SEMA3G: variants seen among roughly 807,000 people sequenced by gnomAD.
SEMA3G encodes the protein semaphorin-3G.
In SEMA3G, 70 loss-of-function variants were observed where a neutral mutation model predicts 86.2. That is an observed-to-expected ratio of 0.81 (90% CI 0.67 to 0.99). SEMA3G has a LOEUF of 0.99. Ranked by LOEUF, SEMA3G falls within the 50% of genes least tolerant of loss-of-function variation. SEMA3G has a pLI of 0.00. For synonymous variants in SEMA3G, 416 were observed against 441.4 expected (o/e 0.94, Z 0.72); for missense variants, 1,002 against 1,072.4 (o/e 0.93, Z 0.92).
At chr3:52,436,698 C>G (rs949812320) in intron 15 of SEMA3G, among the ~76,000 whole-genome samples, 2 of 152,234 alleles carry the variant, frequency 1.3e-5, no homozygotes, top group Non-Finnish European at 2.9e-5. Context: ...GATCCCAGCC[C>G]GCCTCTGGCC....
rs749545605 is a variant in SEMA3G at position 52,435,784 on chromosome 3, T to A, written c.2168A>T (p.Asp723Val). Residue 723 changes from aspartate to valine, a missense_variant, in exon 16 of 16, where the codon GAT becomes GTT. Transcript: ENST00000231721. The part of the protein sequence containing the change: ...LIGFANLPRV[D>V]EYCERVWCRG... ...GCACCACACGCGCTCACAGTACTCA[T>A]CCACCCGGGGCAGGTTGGCGAAGCC... 1 of 1,613,998 alleles carries A rather than the reference T, an allele frequency of 6.2e-7. No homozygotes were observed. The highest frequency in any genetic ancestry group is 8.5e-7 in the Non-Finnish European group (1 of 1,179,992).
At chr3:52,436,391 G>A (rs1189867687) in intron 15 of SEMA3G, among the ~76,000 whole-genome samples, 1 of 152,248 alleles carries the variant, frequency 6.6e-6, no homozygotes, top group Non-Finnish European at 1.5e-5. Context: ...GAACATAGGG[G>A]CTAAGATGTT....
In SEMA3G at chr3:52,433,894, G is replaced by A. The variant is rs1440912786; in HGVS notation, c.*1709C>T. 6.6e-6 allele frequency: 1 copy of A among 152,344 alleles called. No homozygotes were observed. Among genetic ancestry groups the A allele is most frequent in the Non-Finnish European group, 1.5e-5 (1 of 68,160 alleles). The allele number at this position is 152,344 out of a possible 1,614,324, so 9.4% of individuals were successfully genotyped here. ...GCCTTGACCAGCTGACCTCCCAGCA[G>A]ACAGCACCGCAGGCTGGAAGGCTTC... is the stretch of plus-strand genomic sequence containing the variant. On this transcript the variant is annotated 3_prime_UTR_variant, in exon 16 of 16. Coordinates refer to ENST00000231721, the MANE Select transcript of SEMA3G (RefSeq NM_020163.3).
At position 52,445,014 on chromosome 3, in the gene SEMA3G, G is replaced by A. The variant is rs1216447497; in HGVS notation, c.14C>T (p.Ala5Val). 1 of 1,283,158 alleles carries A rather than the reference G, an allele frequency of 7.8e-7. No homozygotes were observed. The highest frequency in any genetic ancestry group is 9.9e-7 in the Non-Finnish European group (1 of 1,009,190). The allele number at this position is 1,283,158 out of a possible 1,614,324, so 79.5% of individuals were successfully genotyped here. Residue 5 changes from alanine to valine, a missense_variant, in exon 1 of 16, where the codon GCC (alanine) becomes GTC (valine). Ala to Val is a moderately conservative substitution (Grantham distance 64, BLOSUM62 0). Coordinates refer to ENST00000231721, the MANE Select transcript of SEMA3G (RefSeq NM_020163.3). The part of the protein sequence containing the change: MAPS[A>V]WAICWLLGGL... The stretch of plus-strand genomic sequence containing the variant: ...CCCTAGCAGCCAGCAAATGGCCCAG[G>A]CCGAGGGGGCCATGCTGGGGAACTG...
chr3:52,442,255 T>A lies in SEMA3G; in HGVS notation c.389A>T (p.His130Leu), dbSNP rs766999847. ...VRVLQPHNRT[H>L]LLACGTGAFQ... ...GGCCCCAGTGCCACAGGCTAGCAGG[T>A]GGGTCCGGTTGTGAGGCTGTAGCAC... Residue 130 changes from histidine (H) to leucine (L), a missense_variant, in exon 4 of 16, where the codon CAC (histidine) becomes CTC (leucine). His to Leu is a moderately conservative substitution (Grantham distance 99). Coordinates refer to ENST00000231721, the MANE Select transcript of SEMA3G (RefSeq NM_020163.3). This position sits in a 1 kb window ranked among gnomAD's most constrained non-coding sequence, Gnocchi z 6.1. The A allele has an allele frequency of 2.5e-6, 4 of 1,613,470 alleles. No individual in the cohort carries two copies. Among genetic ancestry groups the A allele is most frequent in the Non-Finnish European group, 2.5e-6 (3 of 1,179,800 alleles).
intron 12 of SEMA3G, among the ~76,000 whole-genome samples, chr3:52,439,293 C>T (rs923564865): frequency 2.0e-5 from 3 of 152,126 alleles, no homozygotes; most frequent in Admixed American, 2.0e-4. Context: ...ACACAGATGA[C>T]CCCCTTCCTG....
chr3:52,437,777 A>G, intron 14 of SEMA3G, 111 bp from the exon 15 acceptor site: 1 of 1,316,492 alleles, frequency 7.6e-7, no homozygotes, highest in Non-Finnish European at 1.0e-6. Context: ...GAACTTAGGC[A>G]TGCGTGGATC....
At chr3:52,437,121 G>A (rs1706061517) in intron 15 of SEMA3G, among the ~76,000 whole-genome samples, 1 of 152,182 alleles carries the variant, frequency 6.6e-6, no homozygotes, top group Non-Finnish European at 1.5e-5. Context: ...TGTTGTGTGT[G>A]TGTAGCATAG....
Position 52,435,451 on chromosome 3 carries a change from T to C in SEMA3G, c.*152A>G. The C allele has an allele frequency of 1.4e-6, 1 of 722,140 alleles. No individual in the cohort carries two copies. Among genetic ancestry groups the C allele is most frequent in the East Asian group, 2.7e-5 (1 of 37,392 alleles). The allele number at this position is 722,140 out of a possible 1,614,324, so 44.7% of individuals were successfully genotyped here. A position where few individuals can be genotyped will look rare whatever the true frequency, so the allele number is the denominator to read the frequency against. ...GGCTTCAAGAACCCAGCCCCTCCATTAGACCCCAGTAGCGGTGTGGGGGCA... is the reference window on the plus strand; with the variant it reads ...GGCTTCAAGAACCCAGCCCCTCCATCAGACCCCAGTAGCGGTGTGGGGGCA... On this transcript the variant is annotated 3_prime_UTR_variant, in exon 16 of 16. Transcript: ENST00000231721.
In SEMA3G at chr3:52,444,719, ACAAACACGGCACACG is replaced by A; in HGVS notation, c.115+179_115+193del. Among the ~76,000 whole-genome samples the A allele has an allele frequency of 2.0e-4, 2 of 9,980 alleles. 1 individual carries two copies. The highest frequency in any genetic ancestry group is 2.0e-3 in the Admixed American group (2 of 982). The allele number at this position is 9,980 out of a possible 152,430, so 6.5% of individuals were successfully genotyped here. Reference sequence around the variant, plus strand: ...ACGCACACAAACTCGGCACACGCACACAAACACGGCACACGCAAACTCGGCACACGCACACAAACT... The same window carrying A: ...ACGCACACAAACTCGGCACACGCACACAAACTCGGCACACGCACACAAACT... On this transcript the variant is annotated intron_variant, in intron 1 of 15. Transcript: ENST00000231721.
In SEMA3G at chr3:52,442,071, C is replaced by T. The variant is rs867339510; in HGVS notation, c.459+114G>A. On this transcript the variant is annotated intron_variant, in intron 4 of 15. Coordinates refer to ENST00000231721, the MANE Select transcript of SEMA3G (RefSeq NM_020163.3). The surrounding 1 kb of genome is among the most constrained non-coding windows in gnomAD (Gnocchi z 6.1). Reference sequence around the variant, plus strand: ...TGGGGTCAGCTCCCCAACACAAAGGCGCCTTTCAGGCCCCTGCCCCTCTGT... The same window carrying T: ...TGGGGTCAGCTCCCCAACACAAAGGTGCCTTTCAGGCCCCTGCCCCTCTGT... 107 of 1,426,962 alleles carry T rather than the reference C, an allele frequency of 7.5e-5. 1 individual carries two copies. In the Middle Eastern group the frequency reaches 5.7e-3, roughly 76 times the overall value. 88.4% of individuals were successfully genotyped at this position (1,426,962 alleles called of 1,614,324 possible).
At chr3:52,443,170 G>A in intron 1 of SEMA3G, 1 of 761,754 alleles carries the variant, frequency 1.3e-6, no homozygotes. Context: ...TCATCATGCA[G>A]CTAACATCTT....
Position 52,440,366 on chromosome 3 carries a change from C to G in SEMA3G, c.1143+11G>C. 6.3e-7 allele frequency: 1 copy of G among 1,589,978 alleles called. No homozygotes were observed. The highest frequency in any genetic ancestry group is 2.2e-5 in the East Asian group (1 of 44,688). On this transcript the variant is annotated intron_variant, in intron 10 of 15. Transcript: ENST00000231721. Reference sequence around the variant, plus strand: ...CCTCGCTTCCCTGGCCTGGCCCCAGCAGATACTCACCACGCCAGGGCGAGG... The same window carrying G: ...CCTCGCTTCCCTGGCCTGGCCCCAGGAGATACTCACCACGCCAGGGCGAGG...
chr3:52,438,803 C>T, intron 13 of SEMA3G, 117 bp downstream of exon 13: 1 of 1,527,650 alleles, frequency 6.5e-7, no homozygotes, highest in East Asian at 2.3e-5. Context: ...CCTGCCTCAG[C>T]ACAGCTTTCC....
Position 52,433,699 on chromosome 3 carries a change from GC to G in SEMA3G, c.*1903del, listed in dbSNP as rs1705994079. The G allele has an allele frequency of 1.3e-5, 2 of 152,624 alleles. No homozygotes were observed. Among genetic ancestry groups the G allele is most frequent in the Non-Finnish European group, 2.9e-5 (2 of 68,050 alleles). The allele number at this position is 152,624 out of a possible 1,614,324, so 9.5% of individuals were successfully genotyped here. On this transcript the variant is annotated 3_prime_UTR_variant, in exon 16 of 16. Coordinates refer to ENST00000231721, the MANE Select transcript of SEMA3G (RefSeq NM_020163.3). ...TGCCAAGCCAGAGTCCAGCGTAAAG[GC>G]CCGGAGGGCTGTTTGTGTCTTTCTG...
At chr3:52,441,121 ACC>A (rs1706145860) in intron 7 of SEMA3G, 73 bp from the exon 8 acceptor site, 1 of 1,451,088 alleles carries the variant, frequency 6.9e-7, no homozygotes, top group South Asian at 1.3e-5. Context: ...TTCTACCCTC[ACC>A]CACTCGGGGA....
Position 52,438,004 on chromosome 3 carries a change from G to T in SEMA3G, c.1705C>A (p.Pro569Thr). ...FRRQDIRHGN[P>T]ALQCLGQSQE... ...CTCTGGCCCAGGCACTGCAGGGCAG[G>T]GTTGCCGTGCCGGATGTCCTGCCGG... The change falls in exon 14 of 16, where the codon CCT becomes ACT. Residue 569 changes from proline to threonine, a missense_variant. Pro to Thr is a conservative substitution (Grantham distance 38, BLOSUM62 -1). Transcript: ENST00000231721. 6.2e-7 allele frequency: 1 copy of T among 1,612,856 alleles called. No homozygotes were observed. The highest frequency in any genetic ancestry group is 1.3e-5 in the African/African-American group (1 of 75,078).
In SEMA3G at chr3:52,437,965, A is replaced by G. The variant is rs372245751; in HGVS notation, c.1738+6T>C. The G allele has an allele frequency of 1.8e-5, 29 of 1,610,540 alleles. No homozygotes were observed. The African/African-American group carries it at 3.2e-4, about 18-fold the overall frequency. On this transcript the variant is annotated splice_donor_region_variant and intron_variant, in intron 14 of 15. Coordinates refer to ENST00000231721, the MANE Select transcript of SEMA3G (RefSeq NM_020163.3). ...AGTCTGGGCCCTCCCACCTGCCACC[A>G]CTCACCTTCCTGGCTCTGGCCCAGG...
At position 52,442,396 on chromosome 3, in the gene SEMA3G, T is replaced by A; in HGVS notation, c.340-92A>T. 1.9e-6 allele frequency: 1 copy of A among 532,580 alleles called. No homozygotes were observed. The highest frequency in any genetic ancestry group is 3.4e-6 in the Non-Finnish European group (1 of 293,474). The allele number at this position is 532,580 out of a possible 1,614,324, so 33.0% of individuals were successfully genotyped here. A position where few individuals can be genotyped will look rare whatever the true frequency, so the allele number is the denominator to read the frequency against. On this transcript the variant is annotated intron_variant, in intron 3 of 15. Transcript: ENST00000231721. This position sits in a 1 kb window ranked among gnomAD's most constrained non-coding sequence, Gnocchi z 6.1. ...GGCTCAGCCCTGTCTGGCGGTCAGC[T>A]CTGGGGAGGGGGGTGGGTGTGACAT...
Sources: gnomAD v4.1 joint callset for allele counts (sites outside exome capture counted in the v4.1 genomes callset) on GRCh38, gnomAD v4.1.1 for gene constraint, Gnocchi (gnomAD v3.1) non-coding constraint, MANE v1.5 for transcripts, NCBI Gene and HGNC (gene_info 2026-07-23, HGNC 2026-07-21) for gene names.